Variants in SERGEF observed in about 807,000 individuals in gnomAD.
SERGEF encodes secretion regulating guanine nucleotide exchange factor.
A neutral mutation model predicts 50.0 loss-of-function variants in SERGEF; 51 were observed. That is an observed-to-expected ratio of 1.02 (90% CI 0.81 to 1.29). The LOEUF is 1.29. Among genes scored for constraint, SERGEF ranks in the 50% most tolerant of loss-of-function variants. The pLI, the probability that SERGEF is intolerant of heterozygous loss-of-function variation, is 0.00. For missense variants in SERGEF, 521 were observed against 557.0 expected (o/e 0.94, Z 0.65); for synonymous variants, 205 against 212.4 (o/e 0.97, Z 0.30).
chr11:17,813,204 C>T (rs945475107), intron 10 of SERGEF, among the ~76,000 whole-genome samples: 4 of 152,172 alleles, frequency 2.6e-5, no homozygotes, highest in Non-Finnish European at 4.4e-5. Flanking sequence ...GTCTACCTCA[C>T]GAAGCTGGTG....
At chr11:17,797,396 T>C (rs1052143562) in intron 10 of SERGEF, among the ~76,000 whole-genome samples, 3 of 152,256 alleles carry the variant, frequency 2.0e-5, no homozygotes, top group African/African-American at 4.8e-5. Flanking sequence ...TTTGCACTTA[T>C]TGTTCCTGCT....
intron 9 of SERGEF, chr11:17,918,821 T>A (rs1038467366): frequency 2.5e-6 from 1 of 393,126 alleles, no homozygotes; most frequent in Non-Finnish European, 5.0e-6. Context: ...AAAGCACTCC[T>A]GGCAAAGGGA....
chr11:17,915,412 G>A (rs1354997337), intron 9 of SERGEF, among the ~76,000 whole-genome samples: 1 of 152,210 alleles, frequency 6.6e-6, no homozygotes, highest in Non-Finnish European at 1.5e-5. Flanking sequence ...ATTCTTCAGA[G>A]ATGATCACCT....
intron 9 of SERGEF, among the ~76,000 whole-genome samples, chr11:17,919,446 G>A (rs1017549679): frequency 3.3e-5 from 5 of 152,168 alleles, no homozygotes; most frequent in Admixed American, 2.6e-4. Flanking sequence ...ACAGAAGAGA[G>A]AGAGATGGTT....
intron 9 of SERGEF, among the ~76,000 whole-genome samples, chr11:17,932,115 C>T (rs889169380): frequency 2.0e-5 from 3 of 152,078 alleles, no homozygotes; most frequent in Admixed American, 6.6e-5. Context: ...TACATGTATA[C>T]ATATGTAACA....
At chr11:18,004,561 C>G in intron 3 of SERGEF, 26 bp from the exon 4 acceptor site, 2 of 1,515,722 alleles carry the variant, frequency 1.3e-6, no homozygotes, top group Non-Finnish European at 1.8e-6. Flanking sequence ...ACTTAAATTG[C>G]AAATCTATGA....
intron 9 of SERGEF, among the ~76,000 whole-genome samples, chr11:17,885,768 C>A (rs1851418576): frequency 1.3e-5 from 2 of 152,108 alleles, no homozygotes; most frequent in Admixed American, 1.3e-4. Flanking sequence ...GGAAAAATCT[C>A]ATTTCCCCCA....
intron 9 of SERGEF, among the ~76,000 whole-genome samples, chr11:17,906,414 T>C (rs180779755): frequency 4.2e-4 from 64 of 152,114 alleles, no homozygotes; most frequent in Middle Eastern, 3.4e-3. Flanking sequence ...AGCTGCGAGA[T>C]ATAAAAGCTT....
chr11:17,998,893 C>T (rs1234477743), intron 5 of SERGEF, among the ~76,000 whole-genome samples: 7 of 151,740 alleles, frequency 4.6e-5, no homozygotes, highest in Non-Finnish European at 8.8e-5. Flanking sequence ...TACTTTTAGC[C>T]TCCAGAATGG....
intron 9 of SERGEF, among the ~76,000 whole-genome samples, chr11:17,955,253 T>C (rs1388783555): frequency 6.6e-6 from 1 of 152,236 alleles, no homozygotes; most frequent in African/African-American, 2.4e-5. Context: ...CTTTGGCCTT[T>C]TGTACATACC....
intron 9 of SERGEF, among the ~76,000 whole-genome samples, chr11:17,920,757 G>A (rs1852139739): frequency 6.6e-6 from 1 of 152,216 alleles, no homozygotes; most frequent in African/African-American, 2.4e-5. Context: ...CTGGAAGGGA[G>A]CAGGTCTACG....
chr11:17,886,846 C>T (rs562183967), intron 9 of SERGEF, among the ~76,000 whole-genome samples: 2 of 152,236 alleles, frequency 1.3e-5, no homozygotes, highest in East Asian at 1.9e-4. Context: ...CATAAATGGC[C>T]GTGTTGATAC....
At chr11:17,934,291 C>T (rs561945845) in intron 9 of SERGEF, among the ~76,000 whole-genome samples, 4 of 152,230 alleles carry the variant, frequency 2.6e-5, no homozygotes, top group East Asian at 1.9e-4. Context: ...AGCTTGCAAT[C>T]GCTCTCAATT....
intron 9 of SERGEF, among the ~76,000 whole-genome samples, chr11:17,911,213 T>C (rs891302210): frequency 2.0e-4 from 30 of 151,446 alleles, no homozygotes; most frequent in Non-Finnish European, 1.6e-4. Flanking sequence ...ATTTTACAAA[T>C]GAGAAAAATG....
chr11:17,798,019 G>A (rs1849600643), intron 10 of SERGEF, among the ~76,000 whole-genome samples: 1 of 152,180 alleles, frequency 6.6e-6, no homozygotes. Context: ...ATATGGAAGT[G>A]TGTAAGAAAG....
At chr11:17,995,932 A>G in intron 5 of SERGEF, 23 bp from the exon 6 acceptor site, 2 of 1,536,864 alleles carry the variant, frequency 1.3e-6, no homozygotes, top group Middle Eastern at 1.7e-4. Flanking sequence ...ATGGAAGAGA[A>G]AGCAGAGAAG....
At chr11:18,008,189 G>C in intron 1 of SERGEF, 113 bp from the exon 2 acceptor site, 2 of 1,072,190 alleles carry the variant, frequency 1.9e-6, no homozygotes, top group Non-Finnish European at 2.6e-6. Context: ...TGTAACAGAT[G>C]AGATTTATTA....
intron 10 of SERGEF, among the ~76,000 whole-genome samples, chr11:17,847,242 G>A (rs2133868343): frequency 6.6e-6 from 1 of 152,384 alleles, no homozygotes; most frequent in South Asian, 2.1e-4. Context: ...CTCTGCTTAT[G>A]TGGTGCATTG....
intron 10 of SERGEF, among the ~76,000 whole-genome samples, chr11:17,844,726 C>T (rs562130188): frequency 2.0e-5 from 3 of 152,154 alleles, no homozygotes; most frequent in African/African-American, 7.2e-5. Context: ...CAGAAAGGTC[C>T]CCTGCCCTTC....
Sources: allele counts gnomAD v4.1 joint callset (sites outside exome capture counted in the v4.1 genomes callset), GRCh38; gene constraint gnomAD v4.1.1; transcripts MANE v1.5; gene names NCBI Gene and HGNC (gene_info 2026-07-23, HGNC 2026-07-21).